Variants in RPP38 observed in about 807,000 individuals in gnomAD.
RPP38 encodes ribonuclease P protein subunit p38.
In RPP38, 2 loss-of-function variants were observed where a neutral mutation model predicts 1.7. That is an observed-to-expected ratio of 1.18 (90% CI 0.48 to 3.70). The LOEUF (loss-of-function observed/expected upper bound fraction) is 3.70. Among genes scored for constraint, RPP38 ranks in the 30% most tolerant of loss-of-function variants. The pLI is 0.07. For missense variants in RPP38, 358 were observed against 340.1 expected, an observed-to-expected ratio of 1.05 and a Z score of -0.41; for synonymous variants, 151 against 131.8, an observed-to-expected ratio of 1.15 and a Z score of -1.00.
Position 15,103,100 on chromosome 10 carries a change from G to A in RPP38, c.-10-205G>A, listed in dbSNP as rs547444254. 5 of 343,120 alleles carry A rather than the reference G, an allele frequency of 1.5e-5. No homozygotes were observed. In the Admixed American group the frequency reaches 2.3e-4, roughly 16 times the overall value. The allele number at this position is 343,120 out of a possible 1,614,324, so 21.3% of individuals were successfully genotyped here. On this transcript the variant is annotated intron_variant, in intron 2 of 2. Transcript: ENST00000378197. ...CCAGCTACTCGGGAGGCTGAGGCAG[G>A]AGAATCGCTTGAACCCAGGAGGTGG...
chr10:15,100,251 T>C (rs1385729206), intron 1 of RPP38, among the ~76,000 whole-genome samples: 1 of 152,014 alleles, frequency 6.6e-6, no homozygotes, highest in African/African-American at 2.4e-5. Flanking sequence ...ATCATCTGAC[T>C]TGCAGTTGGC....
chr10:15,103,358 A>C lies in RPP38; in HGVS notation c.44A>C (p.Lys15Thr). 1 of 1,607,124 alleles carries C rather than the reference A, an allele frequency of 6.2e-7. No individual in the cohort carries two copies. Among genetic ancestry groups the C allele is most frequent in the African/African-American group, 1.3e-5 (1 of 74,636 alleles). The change falls in exon 3 of 3, where the codon AAG becomes ACG. Residue 15 changes from lysine to threonine, a missense_variant. Lys to Thr is a moderately conservative substitution (Grantham distance 78, BLOSUM62 -1). Coordinates refer to ENST00000378197, the MANE Select transcript of RPP38 (RefSeq NM_183005.5). ...GCACCGGGGCGGGGATCTCTCCGTAAGACGAGACCTCTGGTTGTGAAGACG... is the reference window on the plus strand; with the variant it reads ...GCACCGGGGCGGGGATCTCTCCGTACGACGAGACCTCTGGTTGTGAAGACG... ...PQAPGRGSLR[K>T]TRPLVVKTSL...
intron 1 of RPP38, among the ~76,000 whole-genome samples, chr10:15,099,163 G>A (rs1845043836): frequency 6.6e-6 from 1 of 152,216 alleles, no homozygotes; most frequent in Admixed American, 6.5e-5. Context: ...CTGAGGGTGG[G>A]AGTGGTATTC....
At chr10:15,101,612 C>T (rs1845110156) in intron 1 of RPP38, among the ~76,000 whole-genome samples, 1 of 152,100 alleles carries the variant, frequency 6.6e-6, no homozygotes, top group Non-Finnish European at 1.5e-5. Flanking sequence ...GAGGACTGGC[C>T]GGGAGTGGTG....
At chr10:15,098,390 A>G (rs1320026101) in intron 1 of RPP38, among the ~76,000 whole-genome samples, 1 of 150,800 alleles carries the variant, frequency 6.6e-6, no homozygotes, top group Middle Eastern at 3.4e-3. Flanking sequence ...ACGCCCGGCT[A>G]ATTTTCGTAT....
intron 1 of RPP38, among the ~76,000 whole-genome samples, chr10:15,098,317 C>G (rs1449875230): frequency 1.3e-5 from 2 of 148,330 alleles, no homozygotes; most frequent in Non-Finnish European, 3.0e-5. Context: ...CTCCGCCTGC[C>G]GGGTTCAAGC....
intron 1 of RPP38, among the ~76,000 whole-genome samples, chr10:15,098,161 T>C (rs1844997927): frequency 6.6e-6 from 1 of 151,932 alleles, no homozygotes; most frequent in South Asian, 2.1e-4. Flanking sequence ...CTTACCCACC[T>C]TTCCTAGTTT....
intron 1 of RPP38, among the ~76,000 whole-genome samples, chr10:15,098,410 A>C (rs1483902729): frequency 1.3e-5 from 2 of 150,610 alleles, no homozygotes; most frequent in African/African-American, 4.9e-5. Flanking sequence ...TTTTTAGTAG[A>C]GACGGGTCAC....
rs184075629 is a variant in RPP38 at position 15,103,614 on chromosome 10, A to G, written c.300A>G (p.Gln100=). The G allele has an allele frequency of 3.1e-6, 5 of 1,614,164 alleles. No individual in the cohort carries two copies. In the African/African-American group the frequency reaches 5.3e-5, roughly 17 times the overall value. Residue 100 remains glutamine, a synonymous_variant, in exon 3 of 3, where the codon CAA becomes CAG. Transcript: ENST00000378197. ...AGAAGAAAACAGATGCTAAGCAGCAAGTGTCAGGGTGGACGCCTGCACACG... is the reference window on the plus strand; with the variant it reads ...AGAAGAAAACAGATGCTAAGCAGCAGGTGTCAGGGTGGACGCCTGCACACG... ...LKEKKTDAKQ[Q]VSGWTPAHVR... is the part of the protein sequence containing the mutation.
At chr10:15,097,936 C>T (rs1199660031) in intron 1 of RPP38, among the ~76,000 whole-genome samples, 170 bp downstream of exon 1, 3 of 152,090 alleles carry the variant, frequency 2.0e-5, no homozygotes, top group Non-Finnish European at 4.4e-5. Flanking sequence ...TTCCGACTAA[C>T]ATGTATTTTT....
intron 2 of RPP38, 116 bp from the exon 3 acceptor site, chr10:15,103,189 T>C: frequency 1.0e-6 from 1 of 990,134 alleles, no homozygotes. Context: ...TGAAATTCTG[T>C]CTCAAAAAAT....
At chr10:15,101,073 T>C (rs889427392) in intron 1 of RPP38, among the ~76,000 whole-genome samples, 1 of 152,160 alleles carries the variant, frequency 6.6e-6, no homozygotes, top group African/African-American at 2.4e-5. Flanking sequence ...ATCTGCATGT[T>C]TTAAGAAGCC....
At chr10:15,103,219 A>G in intron 2 of RPP38, 86 bp from the exon 3 acceptor site, 1 of 1,195,664 alleles carries the variant, frequency 8.4e-7, no homozygotes, top group Non-Finnish European at 1.2e-6. Flanking sequence ...AATAAATAAG[A>G]ATCAGAGAGT....
Position 15,103,975 on chromosome 10 carries a change from A to G in RPP38, c.661A>G (p.Thr221Ala), listed in dbSNP as rs769410492. The change falls in exon 3 of 3, where the codon ACT becomes GCT. Residue 221 changes from threonine (T) to alanine (A), a missense_variant. Transcript: ENST00000378197. ...TGAAGATTCTGGGGAAAATTTAGAGACTGAACCTCTGGAAAGCCAAGACAG... is the reference window on the plus strand; with the variant it reads ...TGAAGATTCTGGGGAAAATTTAGAGGCTGAACCTCTGGAAAGCCAAGACAG... ...RIEDSGENLETEPLESQDREL... is the reference protein window; with the variant it reads ...RIEDSGENLEAEPLESQDREL... The G allele has an allele frequency of 6.2e-7, 1 of 1,614,062 alleles. No individual in the cohort carries two copies. Among genetic ancestry groups the G allele is most frequent in the South Asian group, 1.1e-5 (1 of 91,070 alleles).
intron 1 of RPP38, among the ~76,000 whole-genome samples, chr10:15,100,249 A>G (rs1303351069): frequency 6.6e-6 from 1 of 151,984 alleles, no homozygotes; most frequent in African/African-American, 2.4e-5. Context: ...ACATCATCTG[A>G]CTTGCAGTTG....
At position 15,103,385 on chromosome 10, in the gene RPP38, C is replaced by T. The variant is rs373142031; in HGVS notation, c.71C>T (p.Ser24Leu). 11 of 1,613,610 alleles carry T rather than the reference C, an allele frequency of 6.8e-6. No individual in the cohort carries two copies. Among genetic ancestry groups the T allele is most frequent in the Middle Eastern group, 1.6e-4 (1 of 6,062 alleles). ...RKTRPLVVKT[S>L]LNNPYIIRWS... ...ACGAGACCTCTGGTTGTGAAGACGTCGTTGAACAACCCATACATCATCCGC... is the reference window on the plus strand; with the variant it reads ...ACGAGACCTCTGGTTGTGAAGACGTTGTTGAACAACCCATACATCATCCGC... Residue 24 changes from serine (S) to leucine (L), a missense_variant, in exon 3 of 3, where the codon TCG becomes TTG. Ser to Leu is a moderately radical substitution (Grantham distance 145). Coordinates refer to ENST00000378197, the MANE Select transcript of RPP38 (RefSeq NM_183005.5).
In RPP38 at chr10:15,104,045, G is replaced by A; in HGVS notation, c.731G>A (p.Arg244Lys). 6.2e-7 allele frequency: 1 copy of A among 1,614,096 alleles called. No homozygotes were observed. The highest frequency in any genetic ancestry group is 8.5e-7 in the Non-Finnish European group (1 of 1,180,016). The change falls in exon 3 of 3, where the codon AGA (arginine) becomes AAA (lysine). Residue 244 changes from arginine to lysine, a missense_variant. Arg to Lys is a conservative substitution (Grantham distance 26). Transcript: ENST00000378197. The stretch of plus-strand genomic sequence containing the variant: ...TTTGAAGATCTGTCAAAACCTAAGA[G>A]AAAGCTTGCTGACGGTCGGCAGGCT... ...TSFEDLSKPK[R>K]KLADGRQASV...
Position 15,103,454 on chromosome 10 carries a change from C to CTTCATCCTAT in RPP38, c.140_141insTTCATCCTAT (p.Leu48SerfsTer5). The stretch of plus-strand genomic sequence containing the variant: ...GAGGATATGCACTTCATCCTACAGA[C>CTTCATCCTAT]GCTTGAGGACAGGCTTAAAGCTATT... On this transcript the variant is annotated frameshift_variant, in exon 3 of 3. Transcript: ENST00000378197. LOFTEE classifies it low-confidence loss of function (END_TRUNC). 6.2e-7 allele frequency: 1 copy of CTTCATCCTAT among 1,614,108 alleles called. No homozygotes were observed. The highest frequency in any genetic ancestry group is 8.5e-7 in the Non-Finnish European group (1 of 1,180,012).
At position 15,103,570 on chromosome 10, in the gene RPP38, A is replaced by G. The variant is rs3814171; in HGVS notation, c.256A>G (p.Ile86Val). The G allele has an allele frequency of 0.023, 36,804 of 1,614,150 alleles. 512 individuals carry two copies. Among genetic ancestry groups the G allele is most frequent in the East Asian group, 0.051 (2,271 of 44,880 alleles). Residue 86 changes from isoleucine (I) to valine (V), a missense_variant, in exon 3 of 3, where the codon ATT (isoleucine) becomes GTT (valine). Transcript: ENST00000378197. ...SREKCSIAVD[I>V]SENLKEKKTD... ...AGAGAAATGCAGCATTGCTGTTGAT[A>G]TTAGTGAGAATCTGAAGGAGAAGAA... is the stretch of plus-strand genomic sequence containing the variant.
Sources: gnomAD v4.1 joint callset for allele counts (sites outside exome capture counted in the v4.1 genomes callset) on GRCh38, gnomAD v4.1.1 for gene constraint, MANE v1.5 for transcripts, NCBI Gene and HGNC (gene_info 2026-07-23, HGNC 2026-07-21) for gene names.